TCF7L1: variants seen among roughly 807,000 people sequenced by gnomAD.
TCF7L1 encodes the protein transcription factor 7 like 1, also known as transcription factor 7-like 1.
TCF7L1 carries 18 observed loss-of-function variants against 63.7 expected under a neutral mutation model. That is an observed-to-expected ratio of 0.28 (90% CI 0.20 to 0.42). The LOEUF is 0.42. Among genes scored for constraint, TCF7L1 ranks in the 10% least tolerant of loss-of-function variants. The pLI is 1.00. For synonymous variants in TCF7L1, 355 were observed against 340.9 expected (o/e 1.04, Z -0.46); for missense variants, 654 against 779.3 (o/e 0.84, Z 1.91).
chr2:85,180,366 C>T (rs138349168), intron 3 of TCF7L1, among the ~76,000 whole-genome samples: 258 of 151,996 alleles, frequency 1.7e-3, no homozygotes, highest in African/African-American at 5.9e-3. Context: ...AGCTACGGTG[C>T]CCCAAAGTGC....
intron 3 of TCF7L1, among the ~76,000 whole-genome samples, chr2:85,192,239 G>A (rs1454703632): frequency 1.3e-5 from 2 of 152,118 alleles, no homozygotes; most frequent in Non-Finnish European, 2.9e-5. Context: ...TTCTAATCCT[G>A]AATTTAAGCA....
At chr2:85,154,933 C>T (rs1678110984) in intron 3 of TCF7L1, among the ~76,000 whole-genome samples, 1 of 152,178 alleles carries the variant, frequency 6.6e-6, no homozygotes, top group Non-Finnish European at 1.5e-5. Flanking sequence ...TCTCCTGCCT[C>T]AGCCTTCTGA....
intron 3 of TCF7L1, among the ~76,000 whole-genome samples, chr2:85,221,325 A>T (rs1291449808): frequency 6.6e-6 from 1 of 152,214 alleles, no homozygotes; most frequent in African/African-American, 2.4e-5. Flanking sequence ...AGTTGAGGAA[A>T]GTTTTTCTTT....
chr2:85,250,174 A>T (rs569860420), intron 3 of TCF7L1, among the ~76,000 whole-genome samples: 1 of 152,128 alleles, frequency 6.6e-6, no homozygotes, highest in African/African-American at 2.4e-5. Flanking sequence ...GTGTTTGCCA[A>T]TTTCCATGAT....
chr2:85,223,931 C>A (rs1679902030), intron 3 of TCF7L1, among the ~76,000 whole-genome samples: 1 of 152,150 alleles, frequency 6.6e-6, no homozygotes, highest in Admixed American at 6.5e-5. Flanking sequence ...AACACTATCC[C>A]TCCCCCAGCC....
chr2:85,214,438 G>A (rs935298598), intron 3 of TCF7L1, among the ~76,000 whole-genome samples: 7 of 152,174 alleles, frequency 4.6e-5, no homozygotes, highest in Admixed American at 1.3e-4. Flanking sequence ...TCGAGTTTTC[G>A]TTGTTGGTAG....
chr2:85,174,283 G>T (rs1336340329), intron 3 of TCF7L1, among the ~76,000 whole-genome samples: 1 of 152,068 alleles, frequency 6.6e-6, no homozygotes, highest in Non-Finnish European at 1.5e-5. Flanking sequence ...TGTTTTCAAG[G>T]TTCCTCTGTG....
At chr2:85,189,668 C>G (rs537663404) in intron 3 of TCF7L1, among the ~76,000 whole-genome samples, 1 of 152,304 alleles carries the variant, frequency 6.6e-6, no homozygotes, top group South Asian at 2.1e-4. Flanking sequence ...GTGGGCAAAC[C>G]CCGGGGCTGG....
intron 3 of TCF7L1, among the ~76,000 whole-genome samples, chr2:85,225,254 C>G (rs1352755525): frequency 6.6e-6 from 1 of 152,126 alleles, no homozygotes; most frequent in Non-Finnish European, 1.5e-5. Flanking sequence ...ATTTTCTTGC[C>G]TATGCCGGCT....
chr2:85,157,605 T>TG (rs1005878135), intron 3 of TCF7L1, among the ~76,000 whole-genome samples: 6 of 152,186 alleles, frequency 3.9e-5, no homozygotes, highest in Non-Finnish European at 8.8e-5. Context: ...GATGCTGAAC[T>TG]GGGGACCCAT....
At chr2:85,148,340 G>A (rs1350916462) in intron 3 of TCF7L1, among the ~76,000 whole-genome samples, 2 of 152,138 alleles carry the variant, frequency 1.3e-5, no homozygotes, top group Non-Finnish European at 2.9e-5. Flanking sequence ...TTGAGGGATG[G>A]AGAATATTCT....
At chr2:85,283,625 C>CCTT in intron 4 of TCF7L1, 47 bp downstream of exon 4, 3 of 1,593,082 alleles carry the variant, frequency 1.9e-6, no homozygotes, top group Non-Finnish European at 2.6e-6. Context: ...TATTAGTGGC[C>CCTT]TCATCCCATG....
At chr2:85,254,440 C>G (rs1573011580) in intron 3 of TCF7L1, among the ~76,000 whole-genome samples, 1 of 152,190 alleles carries the variant, frequency 6.6e-6, no homozygotes, top group Non-Finnish European at 1.5e-5. Flanking sequence ...GTGCTTTTTC[C>G]TGCATTGGGG....
rs138285167 is a variant in TCF7L1 at position 85,212,460 on chromosome 2, A to C, written c.442-71035A>C. 3.9e-5 allele frequency among the ~76,000 whole-genome samples: 6 copies of C among 152,306 alleles called. 1 individual carries two copies. In the East Asian group the frequency reaches 1.2e-3, roughly 29 times the overall value. On this transcript the variant is annotated intron_variant, in intron 3 of 11. Transcript: ENST00000282111. ...CTGCTGTTATTATCTTGACTCCTCT[A>C]TGCCCAACCCTGGGAAGCATTCATG... is the stretch of plus-strand genomic sequence containing the variant.
intron 3 of TCF7L1, among the ~76,000 whole-genome samples, chr2:85,215,771 G>A (rs557939496): frequency 1.4e-5 from 2 of 139,462 alleles, no homozygotes; most frequent in South Asian, 2.7e-4. Flanking sequence ...TGGGGGTGGG[G>A]GGGGGTGAGG....
intron 3 of TCF7L1, among the ~76,000 whole-genome samples, chr2:85,255,563 CCT>C (rs1008665944): frequency 6.6e-6 from 1 of 152,218 alleles, no homozygotes; most frequent in Non-Finnish European, 1.5e-5. Flanking sequence ...TGTTCTGTCC[CCT>C]GAGAGCTCCG....
intron 3 of TCF7L1, among the ~76,000 whole-genome samples, chr2:85,277,917 G>A (rs1200315883): frequency 6.6e-6 from 1 of 152,198 alleles, no homozygotes; most frequent in Non-Finnish European, 1.5e-5. Context: ...TGTGGGACAG[G>A]GTGAGGACGG....
intron 4 of TCF7L1, among the ~76,000 whole-genome samples, chr2:85,296,135 C>T (rs979688116): frequency 6.6e-6 from 1 of 152,128 alleles, no homozygotes. Flanking sequence ...AACTTTTGGC[C>T]GTGTCCCAAT....
At chr2:85,291,440 C>T (rs1287300650) in intron 4 of TCF7L1, among the ~76,000 whole-genome samples, 2 of 152,174 alleles carry the variant, frequency 1.3e-5, no homozygotes, top group African/African-American at 2.4e-5. Flanking sequence ...TAACAAGAAT[C>T]GCCTTTCCAC....
Sources: allele counts gnomAD v4.1 joint callset (sites outside exome capture counted in the v4.1 genomes callset), GRCh38; gene constraint gnomAD v4.1.1; transcripts MANE v1.5; gene names NCBI Gene and HGNC (gene_info 2026-07-23, HGNC 2026-07-21).